SCUBE1: variants seen among roughly 807,000 people sequenced by gnomAD.
SCUBE1 encodes signal peptide, CUB and EGF-like domain-containing protein 1.
A neutral mutation model predicts 124.4 loss-of-function variants in SCUBE1; 59 were observed. The observed-to-expected ratio is 0.47, with a 90% CI of 0.38 to 0.59. SCUBE1 has a LOEUF of 0.59. SCUBE1 is among the 20% of genes least tolerant of loss of function. The pLI is 0.00. For synonymous variants in SCUBE1, 545 were observed against 550.9 expected (o/e 0.99, Z 0.15); for missense variants, 1,150 against 1,371.2 (o/e 0.84, Z 2.55).
At chr22:43,261,408 G>C (rs937555339) in intron 5 of SCUBE1, among the ~76,000 whole-genome samples, 18 of 152,218 alleles carry the variant, frequency 1.2e-4, no homozygotes, top group Non-Finnish European at 2.5e-4. Context: ...GACCATACCT[G>C]GGACAGAAGG....
chr22:43,333,203 CTT>C (rs1382116519), intron 2 of SCUBE1, among the ~76,000 whole-genome samples: 2 of 152,224 alleles, frequency 1.3e-5, no homozygotes. Context: ...ACAGCCAGGA[CTT>C]TGCCTCAAGG....
chr22:43,285,145 T>A (rs1261217897), intron 4 of SCUBE1, among the ~76,000 whole-genome samples: 1 of 151,928 alleles, frequency 6.6e-6, no homozygotes, highest in Non-Finnish European at 1.5e-5. Context: ...TGGCCTCATT[T>A]CTCCCAAATG....
chr22:43,281,558 C>CCTCTTTGGCCACCCTCCTGTCATCT (rs1569011128), intron 4 of SCUBE1, among the ~76,000 whole-genome samples: 2 of 127,788 alleles, frequency 1.6e-5, no homozygotes, highest in East Asian at 2.9e-4. Flanking sequence ...CTGTCACCTC[C>CCTCTTTGGCCACCCTCCTGTCATCT]CCCTCAGCCA....
intron 3 of SCUBE1, among the ~76,000 whole-genome samples, chr22:43,316,500 C>T (rs1204172393): frequency 1.3e-5 from 2 of 152,210 alleles, no homozygotes; most frequent in Non-Finnish European, 2.9e-5. Context: ...TGAGATAACT[C>T]TTGGAAGATA....
intron 4 of SCUBE1, among the ~76,000 whole-genome samples, chr22:43,266,303 T>C (rs1924062264): frequency 6.6e-6 from 1 of 151,592 alleles, no homozygotes. Context: ...AGAAGGGTGG[T>C]TGGGGGAGCA....
In SCUBE1 at chr22:43,212,690, T is replaced by C; in HGVS notation, c.2054-98A>G. ...CCCGCTCTTGGCCCTTGCCCGGCCC[T>C]GGAAAAGGTACTGGGCACCCGAGGC... On this transcript the variant is annotated intron_variant, in intron 16 of 21. Transcript: ENST00000360835. 4 of 1,324,548 alleles carry C rather than the reference T, an allele frequency of 3.0e-6. No individual in the cohort carries two copies. The East Asian group carries it at 7.9e-5, about 26-fold the overall frequency. 82.0% of individuals were successfully genotyped at this position (1,324,548 alleles called of 1,614,324 possible). A position where few individuals can be genotyped will look rare whatever the true frequency, so the allele number is the denominator to read the frequency against.
intron 4 of SCUBE1, among the ~76,000 whole-genome samples, chr22:43,275,281 C>A (rs1374214177): frequency 1.3e-5 from 2 of 152,254 alleles, no homozygotes; most frequent in Non-Finnish European, 2.9e-5. Flanking sequence ...GACAGCAGTG[C>A]AGGACCCAGC....
intron 3 of SCUBE1, among the ~76,000 whole-genome samples, chr22:43,307,113 G>A (rs1925998614): frequency 6.6e-6 from 1 of 152,220 alleles, no homozygotes; most frequent in Non-Finnish European, 1.5e-5. Flanking sequence ...AAAGAGCTTG[G>A]CCAATCCAGA....
At position 43,198,186 on chromosome 22, in the gene SCUBE1, C is replaced by T; in HGVS notation, c.*5811G>A. On this transcript the variant is annotated 3_prime_UTR_variant, in exon 22 of 22. Transcript: ENST00000360835. ...TTAGAGGGTTGAGCCCAGAGCCTGG[C>T]ACCCAGTGGGCACTGAGTGAGCGTC... The T allele has an allele frequency of 3.8e-6, 1 of 260,352 alleles. No homozygotes were observed. The highest frequency in any genetic ancestry group is 7.7e-6 in the Non-Finnish European group (1 of 130,680). The allele number at this position is 260,352 out of a possible 1,614,324, so 16.1% of individuals were successfully genotyped here. A position where few individuals can be genotyped will look rare whatever the true frequency, so the allele number is the denominator to read the frequency against.
chr22:43,278,274 G>A (rs771643668), intron 4 of SCUBE1, among the ~76,000 whole-genome samples: 45 of 152,342 alleles, frequency 3.0e-4, no homozygotes, highest in South Asian at 1.9e-3. Flanking sequence ...GCAAGGGAGC[G>A]AGGAGAACCT....
chr22:43,208,268 T>C, intron 19 of SCUBE1, 44 bp from the exon 20 acceptor site: 1 of 1,606,978 alleles, frequency 6.2e-7, no homozygotes, highest in Non-Finnish European at 8.5e-7. Flanking sequence ...GGTAGGCAGC[T>C]CCTCCTGCCC....
chr22:43,211,117 G>A lies in SCUBE1; in HGVS notation c.2222-34C>T. ...GGACACAAGGCAGTGTGGTGGGTGT[G>A]GAGGGGTGCAGGGAAAGGGCAGCAC... On this transcript the variant is annotated intron_variant, in intron 17 of 21. Coordinates refer to ENST00000360835, the MANE Select transcript of SCUBE1 (RefSeq NM_173050.5). The surrounding 1 kb of genome is among the most constrained non-coding windows in gnomAD (Gnocchi z 4.5). 1 of 1,583,322 alleles carries A rather than the reference G, an allele frequency of 6.3e-7. No individual in the cohort carries two copies. The highest frequency in any genetic ancestry group is 1.3e-5 in the African/African-American group (1 of 74,502).
At position 43,227,239 on chromosome 22, in the gene SCUBE1, A is replaced by T. The variant is rs117380274; in HGVS notation, c.1207+135T>A. ...ATCAGCCATACCCCAACAGCAGAGAACCTCTGCCTGGGAATGCAAGGCCTA... is the reference window on the plus strand; with the variant it reads ...ATCAGCCATACCCCAACAGCAGAGATCCTCTGCCTGGGAATGCAAGGCCTA... On this transcript the variant is annotated intron_variant, in intron 10 of 21. Transcript: ENST00000360835. 2,279 of 1,037,040 alleles carry T rather than the reference A, an allele frequency of 2.2e-3. 37 individuals carry two copies. Among genetic ancestry groups the T allele is most frequent in the East Asian group, 0.022 (836 of 38,140 alleles). 64.2% of individuals were successfully genotyped at this position (1,037,040 alleles called of 1,614,324 possible). A position where few individuals can be genotyped will look rare whatever the true frequency, so the allele number is the denominator to read the frequency against.
intron 1 of SCUBE1, among the ~76,000 whole-genome samples, chr22:43,340,481 TACACACACACACACACACACACAC>T (rs3047392): frequency 5.7e-4 from 78 of 136,112 alleles, no homozygotes; most frequent in African/African-American, 1.8e-3. Flanking sequence ...TTGTCTCTTT[TACACACACACACACACACACACAC>T]ACACACACAC....
chr22:43,260,931 T>G (rs1227465666), intron 5 of SCUBE1, among the ~76,000 whole-genome samples: 2 of 152,182 alleles, frequency 1.3e-5, no homozygotes, highest in Non-Finnish European at 2.9e-5. Context: ...TTGTAGTGCT[T>G]GTGTCAGATG....
At chr22:43,303,845 G>T (rs75787600) in intron 3 of SCUBE1, among the ~76,000 whole-genome samples, 1 of 152,196 alleles carries the variant, frequency 6.6e-6, no homozygotes, top group Non-Finnish European at 1.5e-5. Context: ...TTTTGTTTCC[G>T]TCTTTTTGCA....
intron 6 of SCUBE1, among the ~76,000 whole-genome samples, chr22:43,249,180 G>A (rs1195174616): frequency 6.6e-6 from 1 of 152,160 alleles, no homozygotes; most frequent in Admixed American, 6.5e-5. Context: ...CAGGGCCAGA[G>A]GAACAGGCAG....
At chr22:43,230,757 T>A (rs1417231666) in intron 8 of SCUBE1, among the ~76,000 whole-genome samples, 2 of 152,172 alleles carry the variant, frequency 1.3e-5, no homozygotes, top group Non-Finnish European at 2.9e-5. Context: ...GGGGCACACA[T>A]GATTCTGAGG....
At chr22:43,307,170 G>C (rs1926001091) in intron 3 of SCUBE1, among the ~76,000 whole-genome samples, 2 of 152,236 alleles carry the variant, frequency 1.3e-5, no homozygotes, top group South Asian at 4.1e-4. Context: ...GATCTCCCCT[G>C]AGATGCCTGA....
Sources: gnomAD v4.1 joint callset for allele counts (sites outside exome capture counted in the v4.1 genomes callset) on GRCh38, gnomAD v4.1.1 for gene constraint, Gnocchi (gnomAD v3.1) non-coding constraint, MANE v1.5 for transcripts, NCBI Gene and HGNC (gene_info 2026-07-23, HGNC 2026-07-21) for gene names.